Variants in ADAMTS12 observed in about 807,000 individuals in gnomAD.
ADAMTS12 encodes the protein ADAM metallopeptidase with thrombospondin type 1 motif 12.
Under a neutral mutation model 167.8 loss-of-function variants are expected in ADAMTS12, and 118 were observed. The ratio of observed to expected loss-of-function variants is 0.70; its 90% CI spans 0.61 to 0.82. The LOEUF is 0.82. ADAMTS12 is among the 40% of genes least tolerant of loss of function. ADAMTS12 has a pLI of 0.00. For missense variants in ADAMTS12, 1,916 were observed against 1,998.8 expected (o/e 0.96, Z 0.79); for synonymous variants, 704 against 716.9 (o/e 0.98, Z 0.29).
chr5:33,575,488 C>G (rs530095456), intron 19 of ADAMTS12, among the ~76,000 whole-genome samples: 9 of 152,304 alleles, frequency 5.9e-5, no homozygotes, highest in African/African-American at 2.2e-4. Flanking sequence ...AATGCCCAGG[C>G]TTCCTAGCTT....
At chr5:33,694,643 G>C (rs534920293) in intron 3 of ADAMTS12, among the ~76,000 whole-genome samples, 9 of 142,934 alleles carry the variant, frequency 6.3e-5, no homozygotes, top group South Asian at 2.2e-4. Flanking sequence ...GTGAAGGAAA[G>C]AACACTTTAG....
chr5:33,832,191 G>A (rs1022324398), intron 2 of ADAMTS12, among the ~76,000 whole-genome samples: 6 of 152,190 alleles, frequency 3.9e-5, no homozygotes, highest in African/African-American at 1.4e-4. Context: ...TTGTATGGGA[G>A]GATATATAAG....
chr5:33,661,294 A>T (rs1402966736), intron 6 of ADAMTS12, among the ~76,000 whole-genome samples: 2 of 152,232 alleles, frequency 1.3e-5, no homozygotes, highest in African/African-American at 2.4e-5. Context: ...AGAGTTGATC[A>T]AGAAAGTTCA....
At chr5:33,820,076 C>T (rs914648784) in intron 2 of ADAMTS12, among the ~76,000 whole-genome samples, 3 of 152,216 alleles carry the variant, frequency 2.0e-5, no homozygotes, top group Middle Eastern at 3.4e-3. Context: ...CTAACTGTGG[C>T]CTTGGAAAAA....
At chr5:33,629,680 C>A (rs1739830503) in intron 13 of ADAMTS12, among the ~76,000 whole-genome samples, 1 of 152,174 alleles carries the variant, frequency 6.6e-6, no homozygotes, top group Non-Finnish European at 1.5e-5. Context: ...TCCTGAGCAA[C>A]CTTGGATTGG....
At chr5:33,737,288 A>T (rs1453703852) in intron 3 of ADAMTS12, among the ~76,000 whole-genome samples, 1 of 152,154 alleles carries the variant, frequency 6.6e-6, no homozygotes, top group African/African-American at 2.4e-5. Context: ...AATGTTAGGC[A>T]TTCCCCTTCC....
At chr5:33,571,129 T>G (rs1451670499) in intron 19 of ADAMTS12, among the ~76,000 whole-genome samples, 3 of 151,958 alleles carry the variant, frequency 2.0e-5, no homozygotes, top group Non-Finnish European at 1.5e-5. Flanking sequence ...AGACTTAGAC[T>G]CCCACACAAT....
intron 23 of ADAMTS12, among the ~76,000 whole-genome samples, chr5:33,531,704 C>T (rs1029508190): frequency 2.0e-5 from 3 of 152,162 alleles, no homozygotes; most frequent in African/African-American, 7.2e-5. Context: ...GCCCACTTGT[C>T]AGGTTAGGTC....
intron 19 of ADAMTS12, among the ~76,000 whole-genome samples, chr5:33,561,983 A>C (rs1745770495): frequency 1.3e-5 from 2 of 152,200 alleles, no homozygotes; most frequent in South Asian, 4.1e-4. Flanking sequence ...ATTATGGTGT[A>C]GATGAAGAAA....
chr5:33,682,091 T>C (rs1742141143), intron 5 of ADAMTS12, among the ~76,000 whole-genome samples: 1 of 152,206 alleles, frequency 6.6e-6, no homozygotes, highest in South Asian at 2.1e-4. Context: ...TGCAGTAGCC[T>C]ATGCAAGATA....
chr5:33,720,715 G>A (rs571725585), intron 3 of ADAMTS12, among the ~76,000 whole-genome samples: 3 of 152,188 alleles, frequency 2.0e-5, no homozygotes, highest in Non-Finnish European at 4.4e-5. Flanking sequence ...AAATTGAATG[G>A]AGACCAACTG....
At position 33,881,114 on chromosome 5, in the gene ADAMTS12, C is replaced by T. The variant is rs1156932933; in HGVS notation, c.489+5G>A. On this transcript the variant is annotated splice_donor_5th_base_variant and intron_variant, in intron 2 of 23. Transcript: ENST00000504830. The stretch of plus-strand genomic sequence containing the variant: ...GAGGAAGGAGATGCCAGAGCCCACA[C>T]TCACCAGTCCATGGCAGGCACTGAG... 2 of 1,611,696 alleles carry T rather than the reference C, an allele frequency of 1.2e-6. No individual in the cohort carries two copies. Among genetic ancestry groups the T allele is most frequent in the Admixed American group, 1.7e-5 (1 of 59,962 alleles).
rs533410215 is a variant in ADAMTS12 at position 33,534,638 on chromosome 5, T to C, written c.4606+195A>G. On this transcript the variant is annotated intron_variant, in intron 23 of 23. Coordinates refer to ENST00000504830, the MANE Select transcript of ADAMTS12 (RefSeq NM_030955.4). ...ATAATAATAAAAAAAGAAAAATGGA[T>C]GAGATACTCTCTCAAGAAGTTAGGA... is the stretch of plus-strand genomic sequence containing the variant. 1.2e-4 allele frequency among the ~76,000 whole-genome samples: 18 copies of C among 152,310 alleles called. No individual in the cohort carries two copies. The East Asian group carries it at 2.1e-3, about 18-fold the overall frequency.
intron 16 of ADAMTS12, among the ~76,000 whole-genome samples, chr5:33,605,207 G>A (rs1460438641): frequency 3.3e-5 from 5 of 152,138 alleles, no homozygotes; most frequent in African/African-American, 1.2e-4. Context: ...ATCAACCACT[G>A]AGCCGAGTCT....
At chr5:33,625,174 A>C (rs1165802818) in intron 13 of ADAMTS12, among the ~76,000 whole-genome samples, 1 of 152,156 alleles carries the variant, frequency 6.6e-6, no homozygotes, top group Non-Finnish European at 1.5e-5. Context: ...CTACCAGCTA[A>C]ACAGAGAATG....
chr5:33,751,928 T>C (rs1456504601), intron 2 of ADAMTS12, among the ~76,000 whole-genome samples: 2 of 152,220 alleles, frequency 1.3e-5, no homozygotes, highest in Non-Finnish European at 2.9e-5. Flanking sequence ...TTGGGACCTA[T>C]GTCCCACACT....
At position 33,637,713 on chromosome 5, in the gene ADAMTS12, T is replaced by C; in HGVS notation, c.1752A>G (p.Glu584=). The C allele has an allele frequency of 6.2e-7, 1 of 1,613,524 alleles. No individual in the cohort carries two copies. Among genetic ancestry groups the C allele is most frequent in the Non-Finnish European group, 8.5e-7 (1 of 1,179,590 alleles). The change falls in exon 12 of 24, where the codon GAA becomes GAG. Residue 584 remains glutamate, a synonymous_variant. Coordinates refer to ENST00000504830, the MANE Select transcript of ADAMTS12 (RefSeq NM_030955.4). ...PKFGGKYCTG[E]RKRYRLCNVH... is the part of the protein sequence containing the mutation. ...CGTTGCACAAGCGATAGCGTTTTCT[T>C]TCTCCAGTGCAATATTTCCCTCCAA... is the stretch of plus-strand genomic sequence containing the variant.
chr5:33,797,659 A>T (rs958540086), intron 2 of ADAMTS12, among the ~76,000 whole-genome samples: 5 of 152,120 alleles, frequency 3.3e-5, no homozygotes, highest in African/African-American at 1.2e-4. Flanking sequence ...AAATATGATA[A>T]ATAATACCTT....
At chr5:33,818,969 A>C (rs558801530) in intron 2 of ADAMTS12, among the ~76,000 whole-genome samples, 1 of 152,134 alleles carries the variant, frequency 6.6e-6, no homozygotes, top group Admixed American at 6.5e-5. Context: ...AGAATTTTTA[A>C]ATAAATTTTA....
Sources: allele counts gnomAD v4.1 joint callset (sites outside exome capture counted in the v4.1 genomes callset), GRCh38; gene constraint gnomAD v4.1.1; transcripts MANE v1.5; gene names NCBI Gene and HGNC (gene_info 2026-07-23, HGNC 2026-07-21).